The following FGF4 variants were observed in gnomAD, a reference collection of about 807,000 sequenced individuals.
FGF4 encodes the protein fibroblast growth factor 4.
A neutral mutation model predicts 15.7 loss-of-function variants in FGF4; 9 were observed. The ratio of observed to expected loss-of-function variants is 0.57; its 90% CI spans 0.35 to 1.00. The LOEUF (loss-of-function observed/expected upper bound fraction) is 1.00. FGF4 is among the 50% of genes least tolerant of loss of function. The pLI is 0.02. For synonymous variants in FGF4, 164 were observed against 144.8 expected (o/e 1.13, Z -0.95); for missense variants, 286 against 297.3 (o/e 0.96, Z 0.28).
Position 69,773,157 on chromosome 11 carries a change from G to A in FGF4, c.*152C>T. The stretch of plus-strand genomic sequence containing the variant: ...ACACCCGCAGAACTATAAATAATTT[G>A]GTGGCAATATATACACATTTAAATA... On this transcript the variant is annotated 3_prime_UTR_variant, in exon 3 of 3. Coordinates refer to ENST00000168712, the MANE Select transcript of FGF4 (RefSeq NM_002007.4). 1.8e-6 allele frequency: 1 copy of A among 555,472 alleles called. No homozygotes were observed. The highest frequency in any genetic ancestry group is 3.0e-5 in the East Asian group (1 of 33,750). The allele number at this position is 555,472 out of a possible 1,614,324, so 34.4% of individuals were successfully genotyped here. A position where few individuals can be genotyped will look rare whatever the true frequency, so the allele number is the denominator to read the frequency against.
Position 69,772,854 on chromosome 11 carries a change from C to T in FGF4, c.*455G>A. On this transcript the variant is annotated 3_prime_UTR_variant, in exon 3 of 3. Coordinates refer to ENST00000168712, the MANE Select transcript of FGF4 (RefSeq NM_002007.4). The stretch of plus-strand genomic sequence containing the variant: ...GCAACAGGGCACAAAGGGAGTGGGC[C>T]TCTGAGGATGCTAGCCGAGAGCCAA... The T allele has an allele frequency of 5.2e-6, 1 of 192,558 alleles. No individual in the cohort carries two copies. Among genetic ancestry groups the T allele is most frequent in the Non-Finnish European group, 1.1e-5 (1 of 91,938 alleles). 11.9% of individuals were successfully genotyped at this position (192,558 alleles called of 1,614,324 possible).
Position 69,774,857 on chromosome 11 carries a change from G to A in FGF4, c.228C>T (p.Tyr76=). 6.6e-7 allele frequency: 1 copy of A among 1,512,720 alleles called. No homozygotes were observed. Among genetic ancestry groups the A allele is most frequent in the Non-Finnish European group, 8.8e-7 (1 of 1,138,760 alleles). 93.7% of individuals were successfully genotyped at this position (1,512,720 alleles called of 1,614,324 possible). A position where few individuals can be genotyped will look rare whatever the true frequency, so the allele number is the denominator to read the frequency against. Residue 76 remains tyrosine (Y), a synonymous_variant, in exon 1 of 3, where the codon TAC becomes TAT. Coordinates refer to ENST00000168712, the MANE Select transcript of FGF4 (RefSeq NM_002007.4). ...GCCGCAGCCGCTTGATGCCCAGCAG[G>A]TAGTCGCCGGCGCCGCTCTGGACGG... ...EAAVQSGAGD[Y]LLGIKRLRRL...
chr11:69,773,448 A>C lies in FGF4; in HGVS notation c.482T>G (p.Leu161Arg). 1.9e-6 allele frequency: 3 copies of C among 1,614,132 alleles called. No homozygotes were observed. Among genetic ancestry groups the C allele is most frequent in the Non-Finnish European group, 2.5e-6 (3 of 1,180,018 alleles). ...FTDECTFKEI[L>R]LPNNYNAYES... ...GTAGGCGTTGTAGTTGTTGGGAAGG[A>C]GAATCTCCTTGAACGTGCACTCATC... Residue 161 changes from leucine (L) to arginine (R), a missense_variant, in exon 3 of 3, where the codon CTC becomes CGC. Transcript: ENST00000168712.
chr11:69,775,301 C>A lies in FGF4; in HGVS notation c.-217G>T. 2.7e-6 allele frequency: 1 copy of A among 376,448 alleles called. No individual in the cohort carries two copies. Among genetic ancestry groups the A allele is most frequent in the Non-Finnish European group, 4.7e-6 (1 of 213,114 alleles). 23.3% of individuals were successfully genotyped at this position (376,448 alleles called of 1,614,324 possible). A position where few individuals can be genotyped will look rare whatever the true frequency, so the allele number is the denominator to read the frequency against. On this transcript the variant is annotated 5_prime_UTR_variant, in exon 1 of 3. Coordinates refer to ENST00000168712, the MANE Select transcript of FGF4 (RefSeq NM_002007.4). ...CCGGGCGGAAAGCGCGCGGCTGGAG[C>A]TGGGACTCTGAGGAGCAGTGCGCGC...
chr11:69,773,625 G>T, intron 2 of FGF4, 140 bp from the exon 3 acceptor site: 1 of 788,400 alleles, frequency 1.3e-6, no homozygotes, highest in Non-Finnish European at 2.1e-6. Flanking sequence ...AAGGTGTCAA[G>T]ACCCACACAG....
chr11:69,773,235 A>T lies in FGF4; in HGVS notation c.*74T>A. On this transcript the variant is annotated 3_prime_UTR_variant, in exon 3 of 3. Coordinates refer to ENST00000168712, the MANE Select transcript of FGF4 (RefSeq NM_002007.4). ...TTGCATTAAACTCTTCATCCGAAGA[A>T]AGTGCACCAAGGTGACCCTCGGCAC... 1 of 1,267,680 alleles carries T rather than the reference A, an allele frequency of 7.9e-7. No individual in the cohort carries two copies. The highest frequency in any genetic ancestry group is 1.3e-5 in the South Asian group (1 of 79,244). The allele number at this position is 1,267,680 out of a possible 1,614,324, so 78.5% of individuals were successfully genotyped here. A position where few individuals can be genotyped will look rare whatever the true frequency, so the allele number is the denominator to read the frequency against.
chr11:69,773,349 G>A lies in FGF4; in HGVS notation c.581C>T (p.Ser194Leu), dbSNP rs763955342. The change falls in exon 3 of 3, where the codon TCG becomes TTG. Residue 194 changes from serine (S) to leucine (L), a missense_variant. Ser to Leu is a moderately radical substitution (Grantham distance 145). Transcript: ENST00000168712. ...NGKTKKGNRVSPTMKVTHFLP... is the reference protein window; with the variant it reads ...NGKTKKGNRVLPTMKVTHFLP... ...GAAGTGGGTGACCTTCATGGTGGGCGACACTCGGTTCCCCTTCTTGGTCTT... is the reference window on the plus strand; with the variant it reads ...GAAGTGGGTGACCTTCATGGTGGGCAACACTCGGTTCCCCTTCTTGGTCTT... 57 of 1,614,024 alleles carry A rather than the reference G, an allele frequency of 3.5e-5. No homozygotes were observed. Among genetic ancestry groups the A allele is most frequent in the South Asian group, 1.8e-4 (16 of 91,070 alleles).
chr11:69,774,393 C>T (rs553876893), intron 1 of FGF4, among the ~76,000 whole-genome samples: 2 of 152,138 alleles, frequency 1.3e-5, no homozygotes, highest in South Asian at 2.1e-4. Flanking sequence ...GACGCGAGCC[C>T]GACCCCAGCG....
chr11:69,775,306 A>G lies in FGF4; in HGVS notation c.-222T>C. The G allele has an allele frequency of 5.4e-6, 2 of 372,676 alleles. No homozygotes were observed. Among genetic ancestry groups the G allele is most frequent in the Non-Finnish European group, 9.5e-6 (2 of 210,816 alleles). The allele number at this position is 372,676 out of a possible 1,614,324, so 23.1% of individuals were successfully genotyped here. ...CGGAAAGCGCGCGGCTGGAGCTGGG[A>G]CTCTGAGGAGCAGTGCGCGCCTCCC... On this transcript the variant is annotated 5_prime_UTR_variant, in exon 1 of 3. Coordinates refer to ENST00000168712, the MANE Select transcript of FGF4 (RefSeq NM_002007.4).
Position 69,775,081 on chromosome 11 carries a change from A to C in FGF4, c.4T>G (p.Ser2Ala). 1.5e-6 allele frequency: 2 copies of C among 1,331,080 alleles called. No individual in the cohort carries two copies. Among genetic ancestry groups the C allele is most frequent in the Non-Finnish European group, 1.9e-6 (2 of 1,050,318 alleles). 82.5% of individuals were successfully genotyped at this position (1,331,080 alleles called of 1,614,324 possible). The change falls in exon 1 of 3, where the codon TCG becomes GCG. Residue 2 changes from serine (S) to alanine (A), a missense_variant. Transcript: ENST00000168712. M[S>A]GPGTAAVALL... ...GCTACCGCGGCCGTCCCGGGCCCCG[A>C]CATCCCGGCCCGAGGGCCGTGCGTC...
chr11:69,773,138 G>T lies in FGF4; in HGVS notation c.*171C>A. 1.9e-6 allele frequency: 1 copy of T among 530,814 alleles called. No individual in the cohort carries two copies. Among genetic ancestry groups the T allele is most frequent in the Non-Finnish European group, 3.3e-6 (1 of 305,758 alleles). The allele number at this position is 530,814 out of a possible 1,614,324, so 32.9% of individuals were successfully genotyped here. A position where few individuals can be genotyped will look rare whatever the true frequency, so the allele number is the denominator to read the frequency against. ...CCCCAGAAAATTAAAAAACACACCC[G>T]CAGAACTATAAATAATTTGGTGGCA... is the stretch of plus-strand genomic sequence containing the variant. On this transcript the variant is annotated 3_prime_UTR_variant, in exon 3 of 3. Coordinates refer to ENST00000168712, the MANE Select transcript of FGF4 (RefSeq NM_002007.4).
chr11:69,774,388 G>A (rs1283476377), intron 1 of FGF4, among the ~76,000 whole-genome samples: 1 of 152,254 alleles, frequency 6.6e-6, no homozygotes, highest in Non-Finnish European at 1.5e-5. Context: ...CTTCAGACGC[G>A]AGCCCGACCC....
chr11:69,775,240 G>T lies in FGF4; in HGVS notation c.-156C>A. The T allele has an allele frequency of 2.2e-6, 1 of 459,870 alleles. No homozygotes were observed. The highest frequency in any genetic ancestry group is 3.5e-6 in the Non-Finnish European group (1 of 283,786). The allele number at this position is 459,870 out of a possible 1,614,324, so 28.5% of individuals were successfully genotyped here. A position where few individuals can be genotyped will look rare whatever the true frequency, so the allele number is the denominator to read the frequency against. On this transcript the variant is annotated 5_prime_UTR_variant, in exon 1 of 3. Coordinates refer to ENST00000168712, the MANE Select transcript of FGF4 (RefSeq NM_002007.4). ...GGGAGGCAAGCGACGGGGCCCCCGG[G>T]CGCCGGGCTCTACCCCGGCTGCATG...
In FGF4 at chr11:69,774,872, G is replaced by T; in HGVS notation, c.213C>A (p.Ser71Arg). The change falls in exon 1 of 3, where the codon AGC (serine) becomes AGA (arginine). Residue 71 changes from serine to arginine, a missense_variant. By Grantham distance (110) the Ser-to-Arg change is moderately radical. Coordinates refer to ENST00000168712, the MANE Select transcript of FGF4 (RefSeq NM_002007.4). ...AAQPKEAAVQ[S>R]GAGDYLLGIK... ...TGCCCAGCAGGTAGTCGCCGGCGCC[G>T]CTCTGGACGGCCGCCTCCTTGGGCT... The T allele has an allele frequency of 2.0e-6, 3 of 1,500,532 alleles. No homozygotes were observed. Among genetic ancestry groups the T allele is most frequent in the Non-Finnish European group, 2.6e-6 (3 of 1,132,330 alleles). 93.0% of individuals were successfully genotyped at this position (1,500,532 alleles called of 1,614,324 possible).
chr11:69,775,040 G>A lies in FGF4; in HGVS notation c.45C>T (p.Val15=). Residue 15 remains valine, a synonymous_variant, in exon 1 of 3, where the codon GTC becomes GTT. Transcript: ENST00000168712. ...CCCAGGGCGCCAGCAAGGCCAGCAGGACCGCCGGGAGCAGCGCTACCGCGG... is the reference window on the plus strand; with the variant it reads ...CCCAGGGCGCCAGCAAGGCCAGCAGAACCGCCGGGAGCAGCGCTACCGCGG... The part of the protein sequence containing the change: ...GTAAVALLPA[V]LLALLAPWAG... 1 of 1,409,226 alleles carries A rather than the reference G, an allele frequency of 7.1e-7. No individual in the cohort carries two copies. The highest frequency in any genetic ancestry group is 9.2e-7 in the Non-Finnish European group (1 of 1,088,528). The allele number at this position is 1,409,226 out of a possible 1,614,324, so 87.3% of individuals were successfully genotyped here.
rs1259271057 is a variant in FGF4, at chr11:69,775,270, G to A, written c.-186C>T. On this transcript the variant is annotated 5_prime_UTR_variant, in exon 1 of 3. Coordinates refer to ENST00000168712, the MANE Select transcript of FGF4 (RefSeq NM_002007.4). ...GGGCTCTACCCCGGCTGCATGGAGC[G>A]GCGAGCCGGGCGGAAAGCGCGCGGC... 3 of 392,958 alleles carry A rather than the reference G, an allele frequency of 7.6e-6. No homozygotes were observed. Among genetic ancestry groups the A allele is most frequent in the South Asian group, 2.5e-4 (2 of 7,882 alleles). 24.3% of individuals were successfully genotyped at this position (392,958 alleles called of 1,614,324 possible).
Position 69,775,186 on chromosome 11 carries a change from C to T in FGF4, c.-102G>A, listed in dbSNP as rs535669435. On this transcript the variant is annotated 5_prime_UTR_variant, in exon 1 of 3. Transcript: ENST00000168712. The stretch of plus-strand genomic sequence containing the variant: ...TCCCGCGGGAGCGCACGGCCGACCT[C>T]GGGCAGGAGTGCGCAACCGAGGAGG... 1.1e-5 allele frequency: 9 copies of T among 832,558 alleles called. No individual in the cohort carries two copies. Among genetic ancestry groups the T allele is most frequent in the South Asian group, 5.1e-5 (1 of 19,672 alleles). 51.6% of individuals were successfully genotyped at this position (832,558 alleles called of 1,614,324 possible). A position where few individuals can be genotyped will look rare whatever the true frequency, so the allele number is the denominator to read the frequency against.
rs768936574 is a variant in FGF4 at position 69,773,288 on chromosome 11, A to G, written c.*21T>C. The G allele has an allele frequency of 1.7e-5, 28 of 1,612,502 alleles. No individual in the cohort carries two copies. The highest frequency in any genetic ancestry group is 2.3e-5 in the Non-Finnish European group (27 of 1,178,734). On this transcript the variant is annotated 3_prime_UTR_variant, in exon 3 of 3. Coordinates refer to ENST00000168712, the MANE Select transcript of FGF4 (RefSeq NM_002007.4). The stretch of plus-strand genomic sequence containing the variant: ...CCCTCCCAGGGGCTTCCCGAGGCTG[A>G]GGCAAGGGTCCTCTGGAGGGTCACA...
rs1405642609 is a variant in FGF4 at position 69,773,092 on chromosome 11, T to G, written c.*217A>C. The stretch of plus-strand genomic sequence containing the variant: ...TGCACCAGAAAAGTCAGAGTTGGTT[T>G]TTTGTTTTGTCTTTTTTTCCCCCCA... On this transcript the variant is annotated 3_prime_UTR_variant, in exon 3 of 3. Coordinates refer to ENST00000168712, the MANE Select transcript of FGF4 (RefSeq NM_002007.4). 8.4e-6 allele frequency: 4 copies of G among 476,908 alleles called. No homozygotes were observed. The highest frequency in any genetic ancestry group is 1.5e-5 in the Non-Finnish European group (4 of 270,612). The allele number at this position is 476,908 out of a possible 1,614,324, so 29.5% of individuals were successfully genotyped here. A position where few individuals can be genotyped will look rare whatever the true frequency, so the allele number is the denominator to read the frequency against.
Sources: allele counts gnomAD v4.1 joint callset (sites outside exome capture counted in the v4.1 genomes callset), GRCh38; gene constraint gnomAD v4.1.1; transcripts MANE v1.5; gene names NCBI Gene and HGNC (gene_info 2026-07-23, HGNC 2026-07-21).